ZMYM6: variants seen among roughly 807,000 people sequenced by gnomAD.
The protein encoded by ZMYM6 is zinc finger MYM-type containing 6, also known as zinc finger MYM-type protein 6.
ZMYM6 carries 90 observed loss-of-function variants against 134.0 expected under a neutral mutation model. That is an observed-to-expected ratio of 0.67 (90% CI 0.57 to 0.80). The LOEUF is 0.80. Among genes scored for constraint, ZMYM6 ranks in the 30% least tolerant of loss-of-function variants. The pLI, the probability that ZMYM6 is intolerant of heterozygous loss-of-function variation, is 0.00. For missense variants in ZMYM6, 1,362 were observed against 1,533.9 expected (o/e 0.89, Z 1.87); for synonymous variants, 481 against 524.1 (o/e 0.92, Z 1.12).
Position 35,018,386 on chromosome 1 carries a change from G to GT in ZMYM6, c.428+966dup, listed in dbSNP as rs1641243900. 2.6e-5 allele frequency: 4 copies of GT among 152,026 alleles called. No individual in the cohort carries two copies. In the Middle Eastern group the frequency reaches 0.014, roughly 517 times the overall value. The allele number at this position is 152,026 out of a possible 1,614,324, so 9.4% of individuals were successfully genotyped here. On this transcript the variant is annotated intron_variant, in intron 4 of 15. Coordinates refer to ENST00000357182, the MANE Select transcript of ZMYM6 (RefSeq NM_007167.4). ...ATATAGCAGGATCTACTTTTAAATA[G>GT]TTTAAGTCAAGACACAAAGCAGATA...
At chr1:35,020,122 T>G (rs539183456) in intron 3 of ZMYM6, among the ~76,000 whole-genome samples, 109 of 152,340 alleles carry the variant, frequency 7.2e-4, no homozygotes, top group African/African-American at 2.5e-3. Flanking sequence ...TACATATGTT[T>G]GTAAACGTGG....
intron 2 of ZMYM6, among the ~76,000 whole-genome samples, chr1:35,029,254 C>T (rs1454169621): frequency 2.0e-5 from 3 of 152,290 alleles, no homozygotes; most frequent in African/African-American, 4.8e-5. Flanking sequence ...AGGTCTGCTA[C>T]GTCCTACATA....
intron 4 of ZMYM6, 113 bp downstream of exon 4, chr1:35,019,240 T>G: frequency 6.9e-7 from 1 of 1,454,210 alleles, no homozygotes; most frequent in East Asian, 2.3e-5. Flanking sequence ...ACTAAAAAGT[T>G]ATTTCTACAG....
intron 14 of ZMYM6, among the ~76,000 whole-genome samples, chr1:34,998,326 T>C (rs2148446332): frequency 6.6e-6 from 1 of 152,346 alleles, no homozygotes; most frequent in South Asian, 2.1e-4. Flanking sequence ...CTGGGTTGTC[T>C]GTCTATTCGT....
intron 14 of ZMYM6, among the ~76,000 whole-genome samples, chr1:34,999,082 A>T (rs1262069354): frequency 6.6e-6 from 1 of 152,192 alleles, no homozygotes; most frequent in African/African-American, 2.4e-5. Context: ...AGATCATGCC[A>T]CTGCACTCAA....
intron 8 of ZMYM6, among the ~76,000 whole-genome samples, chr1:35,011,259 C>A (rs1641079823): frequency 6.6e-6 from 1 of 152,054 alleles, no homozygotes. Flanking sequence ...ACAAAGACCT[C>A]CAGTATATGC....
chr1:34,987,682 A>G lies in ZMYM6; in HGVS notation c.3400T>C (p.Leu1134=), dbSNP rs1377036980. The G allele has an allele frequency of 6.4e-7, 1 of 1,551,768 alleles. No individual in the cohort carries two copies. Among genetic ancestry groups the G allele is most frequent in the Non-Finnish European group, 8.7e-7 (1 of 1,147,362 alleles). Residue 1134 remains leucine (L), a synonymous_variant, in exon 16 of 16, where the codon TTG becomes CTG. Transcript: ENST00000357182. The part of the protein sequence containing the change: ...NELNLSLQGT[L]TTFFNLCNKI... ...TTACACAAATTGAAGAAAGTAGTCAAAGTTCCTTGGAGACTTAAATTTAAT... is the reference window on the plus strand; with the variant it reads ...TTACACAAATTGAAGAAAGTAGTCAGAGTTCCTTGGAGACTTAAATTTAAT...
intron 11 of ZMYM6, among the ~76,000 whole-genome samples, chr1:35,007,339 C>T (rs1242862919): frequency 6.6e-6 from 1 of 151,966 alleles, no homozygotes; most frequent in Non-Finnish European, 1.5e-5. Context: ...GCCTGTAATC[C>T]CAGCATTTTA....
Position 34,990,285 on chromosome 1 carries a change from C to T in ZMYM6, c.2147-1350G>A, listed in dbSNP as rs140987052. ...CATGAGGTCACGAGTTTGAGACCAG[C>T]GTTGCCAACACTGTGAAATCCCGTC... is the stretch of plus-strand genomic sequence containing the variant. On this transcript the variant is annotated intron_variant, in intron 15 of 15. Coordinates refer to ENST00000357182, the MANE Select transcript of ZMYM6 (RefSeq NM_007167.4). 766 of 273,440 alleles carry T rather than the reference C, an allele frequency of 2.8e-3. 8 individuals carry two copies. The highest frequency in any genetic ancestry group is 0.016 in the African/African-American group (719 of 46,004). 16.9% of individuals were successfully genotyped at this position (273,440 alleles called of 1,614,324 possible). A position where few individuals can be genotyped will look rare whatever the true frequency, so the allele number is the denominator to read the frequency against.
chr1:34,987,546 T>C lies in ZMYM6; in HGVS notation c.3536A>G (p.Asn1179Ser). Residue 1179 changes from asparagine (N) to serine (S), a missense_variant, in exon 16 of 16, where the codon AAT becomes AGT. Physicochemically the swap from Asn to Ser is conservative, Grantham distance 46. This residue lies in a region of ZMYM6 where 824 missense variants were observed against 940.9 expected (regional missense o/e 0.88). Transcript: ENST00000357182. ...AATAATCCTTGTGATGTCTGTCATA[T>C]TTAAGCCTGATGAATTTGAGAATTC... ...FSEFSNSSGL[N>S]MTDITRIIFE... The C allele has an allele frequency of 6.2e-7, 1 of 1,614,036 alleles. No individual in the cohort carries two copies. Among genetic ancestry groups the C allele is most frequent in the Non-Finnish European group, 8.5e-7 (1 of 1,179,972 alleles).
At chr1:35,027,007 T>C (rs1473129116) in intron 2 of ZMYM6, among the ~76,000 whole-genome samples, 2 of 152,026 alleles carry the variant, frequency 1.3e-5, no homozygotes, top group African/African-American at 4.8e-5. Flanking sequence ...CACTATACAA[T>C]TAAAAAAAAG....
Position 34,988,037 on chromosome 1 carries a change from T to G in ZMYM6, c.3045A>C (p.Glu1015Asp). Residue 1015 changes from glutamate to aspartate, a missense_variant, in exon 16 of 16, where the codon GAA (glutamate) becomes GAC (aspartate). Around this residue, in one of 3 missense-constraint regions of ZMYM6, gnomAD observed 824 missense variants for 940.9 expected, o/e 0.88. Coordinates refer to ENST00000357182, the MANE Select transcript of ZMYM6 (RefSeq NM_007167.4). The stretch of plus-strand genomic sequence containing the variant: ...GAGACAACTTTTCTGCCACTAAACG[T>G]TCACGGTGAATAAAACAATGTGTAA... ...AAFTHCFIHR[E>D]RLVAEKLSPC... 1 of 1,551,514 alleles carries G rather than the reference T, an allele frequency of 6.4e-7. No individual in the cohort carries two copies. Among genetic ancestry groups the G allele is most frequent in the Admixed American group, 2.0e-5 (1 of 50,992 alleles).
At chr1:35,031,311 T>C (rs777788663) in intron 1 of ZMYM6, 2 of 152,234 alleles carry the variant, frequency 1.3e-5, no homozygotes, top group Non-Finnish European at 2.9e-5. Context: ...ATCAAGCCCC[T>C]CAGAGCCCCG....
intron 2 of ZMYM6, among the ~76,000 whole-genome samples, chr1:35,020,747 A>G (rs1478677619): frequency 1.3e-5 from 2 of 151,462 alleles, no homozygotes; most frequent in East Asian, 1.9e-4. Context: ...TATTTTTTGT[A>G]TTTTTAGTAG....
At position 35,022,010 on chromosome 1, in the gene ZMYM6, T is replaced by C. The variant is rs561456927; in HGVS notation, c.94-1543A>G. 9.2e-5 allele frequency among the ~76,000 whole-genome samples: 14 copies of C among 152,328 alleles called. No individual in the cohort carries two copies. In the South Asian group the frequency reaches 1.9e-3, roughly 20 times the overall value. On this transcript the variant is annotated intron_variant, in intron 2 of 15. Coordinates refer to ENST00000357182, the MANE Select transcript of ZMYM6 (RefSeq NM_007167.4). ...GTTGTATTTTTAATCTCTCCACACA[T>C]AGCAAAATAAATGAGTAGCTATGTT...
intron 11 of ZMYM6, 121 bp downstream of exon 11, chr1:35,008,631 C>T: frequency 1.1e-6 from 1 of 925,506 alleles, no homozygotes; most frequent in Non-Finnish European, 1.6e-6. Flanking sequence ...TATTATAGCC[C>T]ATAACTTATT....
chr1:34,986,983 AAATT>A lies in ZMYM6; in HGVS notation c.*117_*120del. The A allele has an allele frequency of 1.5e-6, 1 of 658,110 alleles. No individual in the cohort carries two copies. The highest frequency in any genetic ancestry group is 2.3e-6 in the Non-Finnish European group (1 of 436,152). 40.8% of individuals were successfully genotyped at this position (658,110 alleles called of 1,614,324 possible). A position where few individuals can be genotyped will look rare whatever the true frequency, so the allele number is the denominator to read the frequency against. On this transcript the variant is annotated 3_prime_UTR_variant, in exon 16 of 16. Coordinates refer to ENST00000357182, the MANE Select transcript of ZMYM6 (RefSeq NM_007167.4). Reference sequence around the variant, plus strand: ...ATTAAATTCCTCAACAAAAAGGGAAAAATTATTAAAACATTTAATCACTGAAAAC... The same window carrying A: ...ATTAAATTCCTCAACAAAAAGGGAAAATTAAAACATTTAATCACTGAAAAC...
intron 8 of ZMYM6, among the ~76,000 whole-genome samples, chr1:35,011,358 C>T (rs956565091): frequency 1.3e-5 from 2 of 152,118 alleles, no homozygotes; most frequent in African/African-American, 2.4e-5. Flanking sequence ...ATGGCTACTA[C>T]GACACAATAG....
chr1:35,011,572 CT>C (rs1641087339), intron 8 of ZMYM6, among the ~76,000 whole-genome samples: 2 of 152,138 alleles, frequency 1.3e-5, no homozygotes, highest in African/African-American at 4.8e-5. Flanking sequence ...TCCCATCAGG[CT>C]ACTGTTCTTC....
Sources: gnomAD v4.1 joint callset for allele counts (sites outside exome capture counted in the v4.1 genomes callset) on GRCh38, gnomAD v4.1.1 for gene constraint, gnomAD v4.1.1 regional missense constraint, MANE v1.5 for transcripts, NCBI Gene and HGNC (gene_info 2026-07-23, HGNC 2026-07-21) for gene names.